Variants in AGMO observed in about 807,000 individuals in gnomAD.
The protein encoded by AGMO is alkylglycerol monooxygenase.
In AGMO, 75 loss-of-function variants were observed where a neutral mutation model predicts 60.2. The ratio of observed to expected loss-of-function variants is 1.25; its 90% CI spans 1.03 to 1.51. The LOEUF (loss-of-function observed/expected upper bound fraction) is 1.51. Among genes scored for constraint, AGMO ranks in the 40% most tolerant of loss-of-function variants. AGMO has a pLI of 0.00. For synonymous variants in AGMO, 261 were observed against 177.1 expected (o/e 1.47, Z -3.76); for missense variants, 763 against 525.5 (o/e 1.45, Z -4.42).
chr7:15,259,046 C>G (rs550482423), intron 12 of AGMO, among the ~76,000 whole-genome samples: 91 of 151,984 alleles, frequency 6.0e-4, no homozygotes, highest in African/African-American at 2.1e-3. Flanking sequence ...AGAAATGAAT[C>G]CAAATTAAGA....
chr7:15,344,614 C>T (rs1781969315), intron 12 of AGMO, among the ~76,000 whole-genome samples: 1 of 152,124 alleles, frequency 6.6e-6, no homozygotes, highest in Admixed American at 6.6e-5. Flanking sequence ...GTAAGGATTG[C>T]TGGAGCTTGG....
At chr7:15,147,486 G>A in the AGMO span, among the ~76,000 whole-genome samples, 6 of 152,168 alleles carry the variant, frequency 3.9e-5, no homozygotes, top group African/African-American at 1.4e-4. Flanking sequence ...ATCCCAAGAA[G>A]AGCATAAGAC....
chr7:15,369,491 T>G (rs1186342935), intron 10 of AGMO, among the ~76,000 whole-genome samples: 1 of 152,152 alleles, frequency 6.6e-6, no homozygotes, highest in East Asian at 1.9e-4. Context: ...CACTCAAGTC[T>G]GTTTCACCTA....
At chr7:15,312,561 A>AG (rs2128532740) in intron 12 of AGMO, among the ~76,000 whole-genome samples, 1 of 86,826 alleles carries the variant, frequency 1.2e-5, no homozygotes, top group South Asian at 3.8e-4. Context: ...GGAGGTTATC[A>AG]GGGGGAGGGA....
chr7:15,193,317 A>C, the AGMO span, among the ~76,000 whole-genome samples: 1 of 152,192 alleles, frequency 6.6e-6, no homozygotes, highest in Non-Finnish European at 1.5e-5. Flanking sequence ...TTTTGCCTAC[A>C]TTCAGAATAA....
At chr7:15,193,212 A>G in the AGMO span, among the ~76,000 whole-genome samples, 1 of 149,326 alleles carries the variant, frequency 6.7e-6, no homozygotes, top group East Asian at 2.0e-4. Context: ...TGAAGTATCT[A>G]ACAAGCTATA....
chr7:15,182,253 A>G, the AGMO span, among the ~76,000 whole-genome samples: 1 of 152,074 alleles, frequency 6.6e-6, no homozygotes, highest in Non-Finnish European at 1.5e-5. Flanking sequence ...GTTTAGGAAA[A>G]TGGGAAAGTT....
At chr7:15,220,066 T>C (rs1021793733) in intron 12 of AGMO, among the ~76,000 whole-genome samples, 6 of 152,132 alleles carry the variant, frequency 3.9e-5, no homozygotes, top group Non-Finnish European at 7.4e-5. Context: ...TCATGGAATC[T>C]TCTATGATGT....
At chr7:15,415,783 CCA>C (rs1161667088) in intron 5 of AGMO, among the ~76,000 whole-genome samples, 1 of 152,082 alleles carries the variant, frequency 6.6e-6, no homozygotes, top group Non-Finnish European at 1.5e-5. Flanking sequence ...TTAAAACCTT[CCA>C]CAGTTTTAAG....
intron 3 of AGMO, among the ~76,000 whole-genome samples, chr7:15,481,220 A>C (rs1583596842): frequency 6.6e-6 from 1 of 152,156 alleles, no homozygotes; most frequent in Non-Finnish European, 1.5e-5. Flanking sequence ...TTTTTAATAC[A>C]AAATGTTTTA....
chr7:15,469,338 T>G (rs1363549750), intron 3 of AGMO, among the ~76,000 whole-genome samples: 4 of 152,160 alleles, frequency 2.6e-5, no homozygotes, highest in African/African-American at 7.2e-5. Flanking sequence ...AGTTAAAATT[T>G]TATCTATAAT....
chr7:15,344,809 A>G (rs1309709090), intron 12 of AGMO, among the ~76,000 whole-genome samples: 2 of 152,094 alleles, frequency 1.3e-5, no homozygotes, highest in East Asian at 3.8e-4. Flanking sequence ...ATGCGTTTTC[A>G]TCAGTTGAAT....
intron 12 of AGMO, among the ~76,000 whole-genome samples, chr7:15,322,981 A>ATATT (rs1554413877): frequency 2.0e-5 from 3 of 146,376 alleles, no homozygotes; most frequent in Admixed American, 7.0e-5. Context: ...ATATATATGT[A>ATATT]TTTATTTTTT....
intron 12 of AGMO, among the ~76,000 whole-genome samples, chr7:15,364,632 A>G (rs569208606): frequency 6.6e-6 from 1 of 152,172 alleles, no homozygotes; most frequent in African/African-American, 2.4e-5. Flanking sequence ...AGTAGCACCA[A>G]TTCCTAGAAG....
Position 15,337,558 on chromosome 7 carries a change from G to C in AGMO, c.1263+27956C>G, listed in dbSNP as rs139455479. Among the ~76,000 whole-genome samples the C allele has an allele frequency of 7.9e-3, 1,207 of 152,230 alleles. 10 individuals are homozygous for C. Among genetic ancestry groups the C allele is most frequent in the African/African-American group, 0.023 (948 of 41,546 alleles). Reference sequence around the variant, plus strand: ...GGAGAAAAGGGCAGGTGGGAAAACTGATTAAATCTACCACTACAACACATA... The same window carrying C: ...GGAGAAAAGGGCAGGTGGGAAAACTCATTAAATCTACCACTACAACACATA... On this transcript the variant is annotated intron_variant, in intron 12 of 12. Transcript: ENST00000342526.
At chr7:15,311,146 T>G (rs1279921347) in intron 12 of AGMO, among the ~76,000 whole-genome samples, 1 of 151,952 alleles carries the variant, frequency 6.6e-6, no homozygotes, top group Admixed American at 6.6e-5. Context: ...GGTGAACAAC[T>G]CTGCTACTAA....
chr7:15,469,000 T>G (rs996158853), intron 3 of AGMO, among the ~76,000 whole-genome samples: 1 of 152,148 alleles, frequency 6.6e-6, no homozygotes, highest in African/African-American at 2.4e-5. Flanking sequence ...TCTGCTTTCT[T>G]TTTCTTCCCA....
chr7:15,291,949 G>A (rs933048936), intron 12 of AGMO, among the ~76,000 whole-genome samples: 1 of 148,680 alleles, frequency 6.7e-6, no homozygotes, highest in African/African-American at 2.5e-5. Context: ...TGGTGACGGA[G>A]TGTGACAGGC....
chr7:15,128,191 G>A, the AGMO span, among the ~76,000 whole-genome samples: 48 of 152,168 alleles, frequency 3.2e-4, 1 homozygote, highest in East Asian at 7.4e-3. Flanking sequence ...GGAGAAAACA[G>A]GTGGCACCAA....
Sources: gnomAD v4.1 joint callset for allele counts (sites outside exome capture counted in the v4.1 genomes callset) on GRCh38, gnomAD v4.1.1 for gene constraint, MANE v1.5 for transcripts, NCBI Gene and HGNC (gene_info 2026-07-23, HGNC 2026-07-21) for gene names.